The following DNER variants were observed in gnomAD, a reference collection of about 807,000 sequenced individuals.
DNER encodes the protein delta/notch like EGF repeat containing.
In DNER, 33 loss-of-function variants were observed where a neutral mutation model predicts 78.2. That is an observed-to-expected ratio of 0.42 (90% CI 0.32 to 0.56). The LOEUF is 0.56. Among genes scored for constraint, DNER ranks in the 20% least tolerant of loss-of-function variants. The pLI, the probability that DNER is intolerant of heterozygous loss-of-function variation, is 0.11. For missense variants in DNER, 918 were observed against 975.3 expected (o/e 0.94, Z 0.78); for synonymous variants, 417 against 384.8 (o/e 1.08, Z -0.98).
intron 4 of DNER, among the ~76,000 whole-genome samples, chr2:229,564,914 G>A (rs1019106249): frequency 3.9e-5 from 6 of 152,230 alleles, no homozygotes; most frequent in South Asian, 2.1e-4. Flanking sequence ...CTGAGGGCCC[G>A]TTCCTGGCTC....
rs573638451 is a variant in DNER, at chr2:229,526,382, G to A, written c.994-13446C>T. Reference sequence around the variant, plus strand: ...GTAGTTTCTTTCCTAACTCATTTACGATCCCCAGACTAGGAAATTGAATTC... The same window carrying A: ...GTAGTTTCTTTCCTAACTCATTTACAATCCCCAGACTAGGAAATTGAATTC... On this transcript the variant is annotated intron_variant, in intron 5 of 12. Coordinates refer to ENST00000341772, the MANE Select transcript of DNER (RefSeq NM_139072.4). 3.3e-5 allele frequency among the ~76,000 whole-genome samples: 5 copies of A among 152,170 alleles called. No homozygotes were observed. The South Asian group carries it at 1.0e-3, about 32-fold the overall frequency.
chr2:229,706,569 T>C (rs561393134), intron 1 of DNER, among the ~76,000 whole-genome samples: 1 of 152,068 alleles, frequency 6.6e-6, no homozygotes, highest in South Asian at 2.1e-4. Flanking sequence ...TCTCAACAAA[T>C]AAAGAAATAT....
At chr2:229,688,086 C>T (rs1479184184) in intron 1 of DNER, among the ~76,000 whole-genome samples, 1 of 152,224 alleles carries the variant, frequency 6.6e-6, no homozygotes. Context: ...TAATAGTTTT[C>T]CCTAACCTAC....
chr2:229,675,360 A>G (rs1349011085), intron 1 of DNER, among the ~76,000 whole-genome samples: 1 of 152,110 alleles, frequency 6.6e-6, no homozygotes, highest in Non-Finnish European at 1.5e-5. Flanking sequence ...GCCAACCTCA[A>G]CACCTACCAA....
intron 7 of DNER, among the ~76,000 whole-genome samples, chr2:229,454,625 A>G (rs1694532286): frequency 6.6e-6 from 1 of 151,964 alleles, no homozygotes; most frequent in African/African-American, 2.4e-5. Flanking sequence ...TATCCAGTCT[A>G]AAAAAGAAAG....
chr2:229,523,299 G>C (rs1160277610), intron 5 of DNER, among the ~76,000 whole-genome samples: 2 of 152,198 alleles, frequency 1.3e-5, no homozygotes, highest in African/African-American at 4.8e-5. Flanking sequence ...GTTTGCTAGG[G>C]CTGCCGTAAC....
intron 5 of DNER, among the ~76,000 whole-genome samples, chr2:229,515,402 A>G (rs1435088711): frequency 6.6e-6 from 1 of 152,206 alleles, no homozygotes; most frequent in Non-Finnish European, 1.5e-5. Context: ...CCCAGTGCAT[A>G]CAATCCCAAA....
intron 11 of DNER, among the ~76,000 whole-genome samples, chr2:229,372,537 C>T (rs943677365): frequency 1.1e-4 from 16 of 152,252 alleles, no homozygotes; most frequent in Non-Finnish European, 1.8e-4. Flanking sequence ...GTGGCTGCAG[C>T]AAGGAGAAGG....
intron 1 of DNER, among the ~76,000 whole-genome samples, chr2:229,699,644 G>C (rs1381559974): frequency 6.6e-6 from 1 of 152,158 alleles, no homozygotes; most frequent in Non-Finnish European, 1.5e-5. Flanking sequence ...GGGATTACAA[G>C]CATGAGTCAC....
At chr2:229,668,422 A>ATATATATATATATATATATACACT (rs1699134156) in intron 1 of DNER, among the ~76,000 whole-genome samples, 3 of 2,376 alleles carry the variant, frequency 1.3e-3, no homozygotes, top group Non-Finnish European at 0.026. Flanking sequence ...ATTCTTTTAT[A>ATATATATATATATATATATACACT]TATATATATA....
At chr2:229,421,935 G>T (rs6719349) in intron 8 of DNER, among the ~76,000 whole-genome samples, 81,021 of 151,974 alleles carry the variant, frequency 0.53, 25,309 homozygotes, top group Non-Finnish European at 0.71. Context: ...AGTTTTGCAA[G>T]ATCATCTTTA....
intron 7 of DNER, among the ~76,000 whole-genome samples, chr2:229,463,444 A>ATATT (rs1694743327): frequency 6.6e-6 from 1 of 152,146 alleles, no homozygotes; most frequent in South Asian, 2.1e-4. Flanking sequence ...AGTAGAAAAT[A>ATATT]TATTTATTTA....
chr2:229,389,170 A>G (rs1256158035), intron 10 of DNER, among the ~76,000 whole-genome samples: 1 of 152,058 alleles, frequency 6.6e-6, no homozygotes, highest in Non-Finnish European at 1.5e-5. Context: ...CATAAGGAAG[A>G]ATGTGATCTT....
chr2:229,409,881 T>C (rs1250237013), intron 9 of DNER, among the ~76,000 whole-genome samples: 1 of 152,150 alleles, frequency 6.6e-6, no homozygotes, highest in African/African-American at 2.4e-5. Flanking sequence ...AATATATTTG[T>C]CATATTGCTC....
chr2:229,695,242 G>T (rs1454372068), intron 1 of DNER, among the ~76,000 whole-genome samples: 1 of 152,080 alleles, frequency 6.6e-6, no homozygotes, highest in African/African-American at 2.4e-5. Context: ...GTCTTTATTA[G>T]CAGCATGAGA....
At chr2:229,664,755 T>C (rs1699060510) in intron 1 of DNER, among the ~76,000 whole-genome samples, 1 of 152,100 alleles carries the variant, frequency 6.6e-6, no homozygotes, top group Non-Finnish European at 1.5e-5. Context: ...TTGCTTTCCT[T>C]CAAAAAAGAA....
At chr2:229,668,530 G>A (rs367618379) in intron 1 of DNER, among the ~76,000 whole-genome samples, 14 of 5,502 alleles carry the variant, frequency 2.5e-3, no homozygotes, top group South Asian at 6.3e-3. Flanking sequence ...GTGTGTGTGT[G>A]TGTGTGTATA....
At chr2:229,494,141 T>A (rs1695456826) in intron 6 of DNER, among the ~76,000 whole-genome samples, 1 of 152,226 alleles carries the variant, frequency 6.6e-6, no homozygotes, top group Admixed American at 6.5e-5. Flanking sequence ...ATTCCACCTC[T>A]GATTCTCCAA....
intron 8 of DNER, among the ~76,000 whole-genome samples, chr2:229,446,466 G>T (rs1694344295): frequency 6.6e-6 from 1 of 152,178 alleles, no homozygotes; most frequent in Non-Finnish European, 1.5e-5. Flanking sequence ...TCCAGCTAGA[G>T]GCCATTGCAC....
Sources: gnomAD v4.1 joint callset for allele counts (sites outside exome capture counted in the v4.1 genomes callset) on GRCh38, gnomAD v4.1.1 for gene constraint, MANE v1.5 for transcripts, NCBI Gene and HGNC (gene_info 2026-07-23, HGNC 2026-07-21) for gene names.